The following FEM1A variants were observed in gnomAD, a reference collection of about 807,000 sequenced individuals.
The protein encoded by FEM1A is protein fem-1 homolog A.
FEM1A carries 1 observed loss-of-function variant against 0.7 expected under a neutral mutation model. That is an observed-to-expected ratio of 1.35 (90% CI 0.48 to 6.40). The LOEUF is 6.40. Among genes scored for constraint, FEM1A ranks in the 30% most tolerant of loss-of-function variants. The pLI is 0.14. For missense variants in FEM1A, 721 were observed against 918.7 expected (o/e 0.78, Z 2.78); for synonymous variants, 391 against 420.6 (o/e 0.93, Z 0.86).
chr19:4,792,284 G>C lies in FEM1A; in HGVS notation c.430G>C (p.Glu144Gln), dbSNP rs1416347610. Residue 144 changes from glutamate (E) to glutamine (Q), a missense_variant, in exon 1 of 1, where the codon GAG (glutamate) becomes CAG (glutamine). Glu to Gln is a conservative substitution (Grantham distance 29). Coordinates refer to ENST00000269856, the MANE Select transcript of FEM1A (RefSeq NM_018708.3). This position sits in a 1 kb window ranked among gnomAD's most constrained non-coding sequence, Gnocchi z 6.7. ...YLVGEHQADL[E>Q]VANRHGHTCL... ...GGTCGGCGAGCACCAGGCCGACCTG[G>C]AGGTGGCCAACCGGCACGGCCACAC... 1 of 1,569,048 alleles carries C rather than the reference G, an allele frequency of 6.4e-7. No individual in the cohort carries two copies. The highest frequency in any genetic ancestry group is 1.8e-5 in the Admixed American group (1 of 57,100).
chr19:4,791,763 A>T lies in FEM1A; in HGVS notation c.-92A>T. On this transcript the variant is annotated 5_prime_UTR_variant, in exon 1 of 1. Transcript: ENST00000269856. ...AGACCCTAAGATGGCGGCGAGGGGG[A>T]CGGTGAAGGTTGCCTCCCGCCCGTC... The T allele has an allele frequency of 7.9e-7, 1 of 1,261,742 alleles. No homozygotes were observed. Among genetic ancestry groups the T allele is most frequent in the Non-Finnish European group, 1.0e-6 (1 of 960,256 alleles). 78.2% of individuals were successfully genotyped at this position (1,261,742 alleles called of 1,614,324 possible).
rs1200741904 is a variant in FEM1A, at chr19:4,799,908, A to AAAAAAAAAAT, written c.*6053_*6054insTAAAAAAAAA. On this transcript the variant is annotated 3_prime_UTR_variant, in exon 1 of 1. Transcript: ENST00000269856. ...TGACATAGCAAGACTCTGTCTCAAA[A>AAAAAAAAAAT]AAAAAAAAAAAAAAAAAAAAAAAAA... is the stretch of plus-strand genomic sequence containing the variant. The AAAAAAAAAAT allele has an allele frequency of 1.8e-4, 19 of 107,968 alleles. 2 individuals are homozygous for AAAAAAAAAAT. The highest frequency in any genetic ancestry group is 7.6e-4 in the African/African-American group (19 of 25,020). 6.7% of individuals were successfully genotyped at this position (107,968 alleles called of 1,614,324 possible).
Position 4,794,140 on chromosome 19 carries a change from C to A in FEM1A, c.*276C>A. 1 of 433,414 alleles carries A rather than the reference C, an allele frequency of 2.3e-6. No individual in the cohort carries two copies. The highest frequency in any genetic ancestry group is 2.8e-5 in the South Asian group (1 of 35,270). 26.8% of individuals were successfully genotyped at this position (433,414 alleles called of 1,614,324 possible). ...AAAAGACACAAGACCTTCCCCACATCCTGTCTGCCTGGGTTAGGGAGGCCT... is the reference window on the plus strand; with the variant it reads ...AAAAGACACAAGACCTTCCCCACATACTGTCTGCCTGGGTTAGGGAGGCCT... On this transcript the variant is annotated 3_prime_UTR_variant, in exon 1 of 1. Transcript: ENST00000269856.
Position 4,793,297 on chromosome 19 carries a change from G to T in FEM1A, c.1443G>T (p.Leu481=), listed in dbSNP as rs1259342988. The change falls in exon 1 of 1, where the codon CTG becomes CTT. Residue 481 remains leucine, a synonymous_variant. Coordinates refer to ENST00000269856, the MANE Select transcript of FEM1A (RefSeq NM_018708.3). This position sits in a 1 kb window ranked among gnomAD's most constrained non-coding sequence, Gnocchi z 5.1. ...GVREVERALQ[L]PREPGDSAQF... is the part of the protein sequence containing the mutation. The stretch of plus-strand genomic sequence containing the variant: ...GGGAAGTGGAACGGGCCCTGCAGCT[G>T]CCCAGGGAGCCCGGAGACTCAGCCC... 10 of 1,612,848 alleles carry T rather than the reference G, an allele frequency of 6.2e-6. No individual in the cohort carries two copies. The highest frequency in any genetic ancestry group is 1.7e-5 in the Admixed American group (1 of 59,968).
chr19:4,798,159 G>A lies in FEM1A; in HGVS notation c.*4295G>A, dbSNP rs2093563803. 2 of 151,152 alleles carry A rather than the reference G, an allele frequency of 1.3e-5. No homozygotes were observed. Among genetic ancestry groups the A allele is most frequent in the Non-Finnish European group, 2.9e-5 (2 of 67,828 alleles). 9.4% of individuals were successfully genotyped at this position (151,152 alleles called of 1,614,324 possible). A position where few individuals can be genotyped will look rare whatever the true frequency, so the allele number is the denominator to read the frequency against. On this transcript the variant is annotated 3_prime_UTR_variant, in exon 1 of 1. Transcript: ENST00000269856. ...GAGGCAGGAGAATGGCGTGAACCCG[G>A]GAGGCGGAGCTTGCAGTGAGCCGAG...
Position 4,792,984 on chromosome 19 carries a change from T to C in FEM1A, c.1130T>C (p.Ile377Thr), listed in dbSNP as rs761696405. The C allele has an allele frequency of 1.1e-5, 18 of 1,612,996 alleles. No individual in the cohort carries two copies. The East Asian group carries it at 4.0e-4, about 36-fold the overall frequency. ...GAGATGCGCATGCAGGCCCTGTTGA[T>C]CCGGGAGCGCATCCTCGGTCCCTCG... ...PDEMRMQALL[I>T]RERILGPSHP... is the part of the protein sequence containing the mutation. Residue 377 changes from isoleucine to threonine, a missense_variant, in exon 1 of 1, where the codon ATC becomes ACC. Ile to Thr is a moderately conservative substitution (Grantham distance 89). Coordinates refer to ENST00000269856, the MANE Select transcript of FEM1A (RefSeq NM_018708.3). The surrounding 1 kb of genome is among the most constrained non-coding windows in gnomAD (Gnocchi z 6.7).
rs1306840271 is a variant in FEM1A, at chr19:4,799,988, C to G, written c.*6124C>G. 1 of 137,738 alleles carries G rather than the reference C, an allele frequency of 7.3e-6. No individual in the cohort carries two copies. The highest frequency in any genetic ancestry group is 1.5e-5 in the Non-Finnish European group (1 of 64,830). The allele number at this position is 137,738 out of a possible 1,614,324, so 8.5% of individuals were successfully genotyped here. A position where few individuals can be genotyped will look rare whatever the true frequency, so the allele number is the denominator to read the frequency against. ...AAAAATGTTCACAATAGTAAAATGA[C>G]TACCTGCCGTTGATCAGTGAAGAAA... On this transcript the variant is annotated 3_prime_UTR_variant, in exon 1 of 1. Coordinates refer to ENST00000269856, the MANE Select transcript of FEM1A (RefSeq NM_018708.3).
Position 4,793,173 on chromosome 19 carries a change from A to C in FEM1A, c.1319A>C (p.Glu440Ala). Reference protein sequence around the residue: ...MTASSFLSFAELFSYVLQDRA... With the variant: ...MTASSFLSFAALFSYVLQDRA... Reference sequence around the variant, plus strand: ...GCCAGCAGCTTCCTCTCCTTCGCGGAACTCTTCTCCTACGTGCTTCAGGAC... The same window carrying C: ...GCCAGCAGCTTCCTCTCCTTCGCGGCACTCTTCTCCTACGTGCTTCAGGAC... Residue 440 changes from glutamate to alanine, a missense_variant, in exon 1 of 1, where the codon GAA becomes GCA. By Grantham distance (107) the Glu-to-Ala change is moderately radical. Coordinates refer to ENST00000269856, the MANE Select transcript of FEM1A (RefSeq NM_018708.3). This position sits in a 1 kb window ranked among gnomAD's most constrained non-coding sequence, Gnocchi z 5.1. 3 of 1,613,480 alleles carry C rather than the reference A, an allele frequency of 1.9e-6. No individual in the cohort carries two copies. Among genetic ancestry groups the C allele is most frequent in the Non-Finnish European group, 2.5e-6 (3 of 1,180,002 alleles).
At position 4,793,911 on chromosome 19, in the gene FEM1A, A is replaced by T. The variant is rs1167121495; in HGVS notation, c.*47A>T. On this transcript the variant is annotated 3_prime_UTR_variant, in exon 1 of 1. Transcript: ENST00000269856. The surrounding 1 kb of genome is among the most constrained non-coding windows in gnomAD (Gnocchi z 5.1). ...CTCACCTCTCCCCTCTCCTGCTGAG[A>T]TGGGGGAAATCCGGCTGCGGCATAG... 5.9e-6 allele frequency: 9 copies of T among 1,536,918 alleles called. No homozygotes were observed. Among genetic ancestry groups the T allele is most frequent in the African/African-American group, 5.5e-5 (4 of 72,614 alleles).
Position 4,792,881 on chromosome 19 carries a change from C to T in FEM1A, c.1027C>T (p.Gln343Ter), listed in dbSNP as rs755310655. 1.2e-6 allele frequency: 2 copies of T among 1,612,178 alleles called. No individual in the cohort carries two copies. The highest frequency in any genetic ancestry group is 8.5e-7 in the Non-Finnish European group (1 of 1,180,012). The change falls in exon 1 of 1, where the codon CAG becomes TAG. Residue 343 changes from glutamine to a stop codon, truncating the protein, a stop_gained. Coordinates refer to ENST00000269856, the MANE Select transcript of FEM1A (RefSeq NM_018708.3). LOFTEE classifies it low-confidence loss of function (END_TRUNC). This position sits in a 1 kb window ranked among gnomAD's most constrained non-coding sequence, Gnocchi z 6.7. ...GEYLPKPEPP[Q>*]LVLAYDYSRE... ...GTACCTGCCCAAACCGGAGCCCCCA[C>T]AGCTGGTCCTGGCCTATGACTATTC...
Position 4,793,253 on chromosome 19 carries a change from G to A in FEM1A, c.1399G>A (p.Val467Ile), listed in dbSNP as rs1292363691. ...GATCGGCTTTGCAGACCTCATGGGG[G>A]TTCTCACCAAAGGGGTCCGGGAAGT... Reference protein sequence around the residue: ...TQIGFADLMGVLTKGVREVER... With the variant: ...TQIGFADLMGILTKGVREVER... Residue 467 changes from valine to isoleucine, a missense_variant, in exon 1 of 1, where the codon GTT becomes ATT. Val to Ile is a conservative substitution (Grantham distance 29). This residue lies in a region of FEM1A where 379 missense variants were observed against 454.8 expected (regional missense o/e 0.83). Coordinates refer to ENST00000269856, the MANE Select transcript of FEM1A (RefSeq NM_018708.3). The surrounding 1 kb of genome is among the most constrained non-coding windows in gnomAD (Gnocchi z 5.1). The A allele has an allele frequency of 6.2e-7, 1 of 1,613,476 alleles. No individual in the cohort carries two copies. Among genetic ancestry groups the A allele is most frequent in the Non-Finnish European group, 8.5e-7 (1 of 1,180,008 alleles).
Position 4,793,516 on chromosome 19 carries a change from C to G in FEM1A, c.1662C>G (p.Pro554=), listed in dbSNP as rs781313357. 6.2e-7 allele frequency: 1 copy of G among 1,613,054 alleles called. No individual in the cohort carries two copies. ...ACACCACAAACGTGGGCCGCTATCC[C>G]GTGGGCAGATTCCCCTCCCTGCACG... ...DKDTTNVGRY[P]VGRFPSLHVV... is the part of the protein sequence containing the mutation. The change falls in exon 1 of 1, where the codon CCC becomes CCG. Residue 554 remains proline, a synonymous_variant. Coordinates refer to ENST00000269856, the MANE Select transcript of FEM1A (RefSeq NM_018708.3). The surrounding 1 kb of genome is among the most constrained non-coding windows in gnomAD (Gnocchi z 5.1).
At position 4,791,949 on chromosome 19, in the gene FEM1A, A is replaced by G; in HGVS notation, c.95A>G (p.Asp32Gly). ...AGCGGCCGGAGCCGGGAGGAACTGGACGAGCTGACGGGCGAGGTGGCCGGC... is the reference window on the plus strand; with the variant it reads ...AGCGGCCGGAGCCGGGAGGAACTGGGCGAGCTGACGGGCGAGGTGGCCGGC... ...LLSGRSREEL[D>G]ELTGEVAGGG... The change falls in exon 1 of 1, where the codon GAC becomes GGC. Residue 32 changes from aspartate to glycine, a missense_variant. Asp to Gly is a moderately conservative substitution (Grantham distance 94). This residue lies in a region of FEM1A where 195 missense variants were observed against 316.9 expected (regional missense o/e 0.62). Coordinates refer to ENST00000269856, the MANE Select transcript of FEM1A (RefSeq NM_018708.3). 6.5e-7 allele frequency: 1 copy of G among 1,531,576 alleles called. No individual in the cohort carries two copies. The highest frequency in any genetic ancestry group is 8.7e-7 in the Non-Finnish European group (1 of 1,146,328). The allele number at this position is 1,531,576 out of a possible 1,614,324, so 94.9% of individuals were successfully genotyped here. A position where few individuals can be genotyped will look rare whatever the true frequency, so the allele number is the denominator to read the frequency against.
Position 4,791,842 on chromosome 19 carries a change from G to A in FEM1A, c.-13G>A. 1.3e-6 allele frequency: 2 copies of A among 1,486,876 alleles called. No homozygotes were observed. The highest frequency in any genetic ancestry group is 2.8e-5 in the East Asian group (1 of 36,208). The allele number at this position is 1,486,876 out of a possible 1,614,324, so 92.1% of individuals were successfully genotyped here. On this transcript the variant is annotated 5_prime_UTR_variant, in exon 1 of 1. Coordinates refer to ENST00000269856, the MANE Select transcript of FEM1A (RefSeq NM_018708.3). The stretch of plus-strand genomic sequence containing the variant: ...CCCGGCGGCCGGCCCATGGCCTGGC[G>A]GAGGCCCGAACCATGGACCTCCGCA...
chr19:4,800,523 C>G lies in FEM1A; in HGVS notation c.*6659C>G, dbSNP rs1445165634. 6 of 152,340 alleles carry G rather than the reference C, an allele frequency of 3.9e-5. No homozygotes were observed. Among genetic ancestry groups the G allele is most frequent in the African/African-American group, 1.4e-4 (6 of 41,472 alleles). 9.4% of individuals were successfully genotyped at this position (152,340 alleles called of 1,614,324 possible). On this transcript the variant is annotated 3_prime_UTR_variant, in exon 1 of 1. Coordinates refer to ENST00000269856, the MANE Select transcript of FEM1A (RefSeq NM_018708.3). ...AGTGACTTTCTTAGACCCTCCCCAG[C>G]ACTTTGAGGGTGTCAGTCACTGCTG...
In FEM1A at chr19:4,792,550, G is replaced by C. The variant is rs774493913; in HGVS notation, c.696G>C (p.Glu232Asp). 1 of 1,603,890 alleles carries C rather than the reference G, an allele frequency of 6.2e-7. No homozygotes were observed. Among genetic ancestry groups the C allele is most frequent in the Non-Finnish European group, 8.5e-7 (1 of 1,179,694 alleles). The change falls in exon 1 of 1, where the codon GAG becomes GAC. Residue 232 changes from glutamate to aspartate, a missense_variant. Physicochemically the swap from Glu to Asp is conservative, Grantham distance 45 (BLOSUM62 2). Transcript: ENST00000269856. The surrounding 1 kb of genome is among the most constrained non-coding windows in gnomAD (Gnocchi z 6.7). ...ASVTGHTNIV[E>D]YLIQEQPGQE... Reference sequence around the variant, plus strand: ...TGACGGGCCACACCAACATCGTGGAGTACCTCATCCAGGAGCAGCCCGGCC... The same window carrying C: ...TGACGGGCCACACCAACATCGTGGACTACCTCATCCAGGAGCAGCCCGGCC...
rs1192278447 is a variant in FEM1A at position 4,798,081 on chromosome 19, A to G, written c.*4217A>G. 1 of 119,648 alleles carries G rather than the reference A, an allele frequency of 8.4e-6. No individual in the cohort carries two copies. The allele number at this position is 119,648 out of a possible 1,614,324, so 7.4% of individuals were successfully genotyped here. On this transcript the variant is annotated 3_prime_UTR_variant, in exon 1 of 1. Transcript: ENST00000269856. ...AACCCCGTCTCTACTAAAAATACAA[A>G]AATTAGCCGGGTGTGGTGGCAGGTG...
Position 4,791,977 on chromosome 19 carries a change from G to A in FEM1A, c.123G>A (p.Gly41=). ...AGCTGACGGGCGAGGTGGCCGGCGG[G>A]GGAACGCCGCTACTCATCGCCGCCC... ...LDELTGEVAG[G]GTPLLIAARY... Residue 41 remains glycine (G), a synonymous_variant, in exon 1 of 1, where the codon GGG becomes GGA. Coordinates refer to ENST00000269856, the MANE Select transcript of FEM1A (RefSeq NM_018708.3). The A allele has an allele frequency of 1.3e-6, 2 of 1,533,610 alleles. No individual in the cohort carries two copies. The highest frequency in any genetic ancestry group is 1.4e-5 in the African/African-American group (1 of 72,652).
In FEM1A at chr19:4,793,464, C is replaced by G. The variant is rs528817364; in HGVS notation, c.1610C>G (p.Thr537Ser). Residue 537 changes from threonine to serine, a missense_variant, in exon 1 of 1, where the codon ACC (threonine) becomes AGC (serine). By Grantham distance (58) the Thr-to-Ser change is moderately conservative (BLOSUM62 1). Around this residue, in one of 4 missense-constraint regions of FEM1A, gnomAD observed 379 missense variants for 454.8 expected, o/e 0.83. Coordinates refer to ENST00000269856, the MANE Select transcript of FEM1A (RefSeq NM_018708.3). This position sits in a 1 kb window ranked among gnomAD's most constrained non-coding sequence, Gnocchi z 5.1. ...KCAPRGKNGFTPLHMAVDKDT... is the reference protein window; with the variant it reads ...KCAPRGKNGFSPLHMAVDKDT... Reference sequence around the variant, plus strand: ...GCGCCCAGGGGCAAGAACGGCTTCACCCCTCTGCACATGGCTGTGGACAAG... The same window carrying G: ...GCGCCCAGGGGCAAGAACGGCTTCAGCCCTCTGCACATGGCTGTGGACAAG... 1.7e-5 allele frequency: 28 copies of G among 1,612,512 alleles called. No individual in the cohort carries two copies. Among genetic ancestry groups the G allele is most frequent in the South Asian group, 1.1e-5 (1 of 91,014 alleles).
Sources: allele counts gnomAD v4.1 joint callset, GRCh38; gene constraint gnomAD v4.1.1; regional missense constraint gnomAD v4.1.1; non-coding constraint Gnocchi (gnomAD v3.1); transcripts MANE v1.5; gene names NCBI Gene and HGNC (gene_info 2026-07-23, HGNC 2026-07-21).